KHDRBS2: variants seen among roughly 807,000 people sequenced by gnomAD.
KHDRBS2 encodes KH domain-containing, RNA-binding, signal transduction-associated protein 2.
Under a neutral mutation model 44.3 loss-of-function variants are expected in KHDRBS2, and 26 were observed. The ratio of observed to expected loss-of-function variants is 0.59; its 90% CI spans 0.43 to 0.81. KHDRBS2 has a LOEUF of 0.81. Ranked by LOEUF, KHDRBS2 falls within the 40% of genes least tolerant of loss-of-function variation. The pLI is 0.00. For synonymous variants in KHDRBS2, 194 were observed against 151.1 expected, an observed-to-expected ratio of 1.28 and a Z score of -2.08; for missense variants, 476 against 433.1, an observed-to-expected ratio of 1.10 and a Z score of -0.88.
intron 1 of KHDRBS2, among the ~76,000 whole-genome samples, chr6:62,264,255 C>T (rs1404046160): frequency 7.2e-5 from 11 of 151,728 alleles, no homozygotes; most frequent in South Asian, 6.2e-4. Flanking sequence ...TGTTCCTTAA[C>T]GCTAGTTTTA....
At chr6:61,953,087 A>C (rs1428818559) in intron 4 of KHDRBS2, among the ~76,000 whole-genome samples, 1 of 152,032 alleles carries the variant, frequency 6.6e-6, no homozygotes, top group East Asian at 1.9e-4. Context: ...TTTGGCCCAA[A>C]TTAGAGAATT....
chr6:62,173,338 A>G (rs1820452193), intron 2 of KHDRBS2, among the ~76,000 whole-genome samples: 1 of 152,082 alleles, frequency 6.6e-6, no homozygotes, highest in Non-Finnish European at 1.5e-5. Context: ...AAAACTTGGA[A>G]GAAACTGGTA....
intron 3 of KHDRBS2, among the ~76,000 whole-genome samples, chr6:62,038,215 A>G (rs1785707892): frequency 6.6e-6 from 1 of 151,902 alleles, no homozygotes; most frequent in African/African-American, 2.4e-5. Context: ...CTGGCATTTC[A>G]TTTTCCTCAG....
intron 1 of KHDRBS2, among the ~76,000 whole-genome samples, chr6:62,260,147 A>G (rs892755995): frequency 1.3e-5 from 2 of 152,108 alleles, no homozygotes; most frequent in Non-Finnish European, 2.9e-5. Flanking sequence ...GGTAATACTA[A>G]TATTTATCTC....
chr6:61,564,025 G>T, the KHDRBS2 span, among the ~76,000 whole-genome samples: 1 of 152,074 alleles, frequency 6.6e-6, no homozygotes, highest in Non-Finnish European at 1.5e-5. Flanking sequence ...TTCTGGTCAA[G>T]AAGAAGGATT....
intron 4 of KHDRBS2, among the ~76,000 whole-genome samples, chr6:61,942,119 C>A (rs1812254469): frequency 6.7e-6 from 1 of 149,348 alleles, no homozygotes; most frequent in South Asian, 2.2e-4. Flanking sequence ...CCACACCTAC[C>A]CAATTAAAAA....
At chr6:61,591,941 C>T in the KHDRBS2 span, among the ~76,000 whole-genome samples, 1 of 152,074 alleles carries the variant, frequency 6.6e-6, no homozygotes, top group Non-Finnish European at 1.5e-5. Flanking sequence ...AACCCCAGTG[C>T]TTTGGGAAGC....
chr6:61,949,580 C>T (rs1164086958), intron 4 of KHDRBS2, among the ~76,000 whole-genome samples: 1 of 151,884 alleles, frequency 6.6e-6, no homozygotes, highest in Non-Finnish European at 1.5e-5. Context: ...TTCCTGTTAC[C>T]TCTTACATTG....
At chr6:61,694,075 C>G (rs1000882452) in intron 8 of KHDRBS2, among the ~76,000 whole-genome samples, 1 of 152,116 alleles carries the variant, frequency 6.6e-6, no homozygotes, top group African/African-American at 2.4e-5. Flanking sequence ...AGCTCATGAG[C>G]ATGATTTTCC....
chr6:61,915,886 C>G (rs1329076131), intron 4 of KHDRBS2, among the ~76,000 whole-genome samples: 1 of 151,948 alleles, frequency 6.6e-6, no homozygotes, highest in Admixed American at 6.6e-5. Context: ...ATTTAGCAAA[C>G]CACAAAAGCC....
At chr6:62,205,039 C>A (rs1827707137) in intron 1 of KHDRBS2, among the ~76,000 whole-genome samples, 1 of 152,056 alleles carries the variant, frequency 6.6e-6, no homozygotes, top group African/African-American at 2.4e-5. Context: ...TCTTTTGGGG[C>A]AAAGTCAATC....
At chr6:61,543,339 G>A in the KHDRBS2 span, among the ~76,000 whole-genome samples, 3 of 151,826 alleles carry the variant, frequency 2.0e-5, no homozygotes, top group African/African-American at 7.3e-5. Context: ...GCATACAAGT[G>A]GAAAATAGAT....
the KHDRBS2 span, among the ~76,000 whole-genome samples, chr6:61,605,982 C>T: frequency 3.3e-5 from 5 of 152,044 alleles, no homozygotes; most frequent in Admixed American, 1.3e-4. Context: ...TGAAAATGGC[C>T]GGTCCCTGCC....
intron 3 of KHDRBS2, among the ~76,000 whole-genome samples, chr6:61,997,910 A>C (rs778698530): frequency 5.3e-5 from 8 of 152,224 alleles, no homozygotes; most frequent in Non-Finnish European, 8.8e-5. Flanking sequence ...AAAGAGTTAG[A>C]TATTCCAAAA....
the KHDRBS2 span, among the ~76,000 whole-genome samples, chr6:61,593,231 C>A: frequency 6.6e-6 from 1 of 152,120 alleles, no homozygotes; most frequent in Non-Finnish European, 1.5e-5. Flanking sequence ...ATAACAATTT[C>A]TCCCAACATT....
chr6:62,087,312 G>A (rs932695559), intron 2 of KHDRBS2, among the ~76,000 whole-genome samples: 3 of 151,904 alleles, frequency 2.0e-5, no homozygotes, highest in African/African-American at 4.8e-5. Context: ...TTATATTGGA[G>A]TTAAAGATAA....
chr6:61,823,073 G>T (rs1023572812), intron 6 of KHDRBS2, among the ~76,000 whole-genome samples: 1 of 151,890 alleles, frequency 6.6e-6, no homozygotes, highest in African/African-American at 2.4e-5. Flanking sequence ...GCATGATGGG[G>T]TCATTCTAGC....
chr6:62,111,999 G>A (rs1805111359), intron 2 of KHDRBS2, among the ~76,000 whole-genome samples: 1 of 152,084 alleles, frequency 6.6e-6, no homozygotes, highest in Admixed American at 6.6e-5. Context: ...TGAAGCTGAT[G>A]CTACTAGTCC....
At chr6:62,084,195 A>AG (rs1562818825) in intron 2 of KHDRBS2, among the ~76,000 whole-genome samples, 2 of 151,920 alleles carry the variant, frequency 1.3e-5, no homozygotes, top group South Asian at 4.2e-4. Context: ...GGACTGAAGG[A>AG]GGGGGGATGA....
Sources: allele counts gnomAD v4.1 joint callset (sites outside exome capture counted in the v4.1 genomes callset), GRCh38; gene constraint gnomAD v4.1.1; transcripts MANE v1.5; gene names NCBI Gene and HGNC (gene_info 2026-07-23, HGNC 2026-07-21).